ZDHHC21: variants seen among roughly 807,000 people sequenced by gnomAD.
The protein encoded by ZDHHC21 is palmitoyltransferase ZDHHC21.
In ZDHHC21, 15 loss-of-function variants were observed where a neutral mutation model predicts 34.6. The observed-to-expected ratio is 0.43, with a 90% CI of 0.29 to 0.67. ZDHHC21 has a LOEUF of 0.67. Ranked by LOEUF, ZDHHC21 falls within the 30% of genes least tolerant of loss-of-function variation. ZDHHC21 has a pLI of 0.14. For missense variants in ZDHHC21, 344 were observed against 327.7 expected, an observed-to-expected ratio of 1.05 and a Z score of -0.38; for synonymous variants, 142 against 101.8, an observed-to-expected ratio of 1.40 and a Z score of -2.38.
At chr9:14,623,907 T>C (rs960060967) in intron 8 of ZDHHC21, among the ~76,000 whole-genome samples, 18 of 152,048 alleles carry the variant, frequency 1.2e-4, no homozygotes, top group African/African-American at 4.1e-4. Flanking sequence ...ACCTTTACTC[T>C]TGTTGGGGAA....
At chr9:14,656,235 T>C (rs1429163350) in intron 7 of ZDHHC21, among the ~76,000 whole-genome samples, 1 of 151,948 alleles carries the variant, frequency 6.6e-6, no homozygotes, top group Non-Finnish European at 1.5e-5. Flanking sequence ...GCTACATAGA[T>C]TATAAAATAC....
At chr9:14,639,839 C>T in intron 8 of ZDHHC21, 57 bp downstream of exon 8, 1 of 1,021,930 alleles carries the variant, frequency 9.8e-7, no homozygotes, top group Non-Finnish European at 1.4e-6. Flanking sequence ...TTGAGAATTA[C>T]ATTCATAATT....
chr9:14,677,806 C>T (rs1220942645), intron 3 of ZDHHC21, among the ~76,000 whole-genome samples: 2 of 152,030 alleles, frequency 1.3e-5, no homozygotes, highest in Admixed American at 1.3e-4. Context: ...CAAAGGAATA[C>T]CACTATTTTT....
chr9:14,618,180 AAT>A lies in ZDHHC21; in HGVS notation c.*784_*785del, dbSNP rs1824615105. The A allele has an allele frequency of 6.6e-6, 1 of 152,572 alleles. No homozygotes were observed. Among genetic ancestry groups the A allele is most frequent in the Non-Finnish European group, 1.5e-5 (1 of 68,008 alleles). The allele number at this position is 152,572 out of a possible 1,614,324, so 9.5% of individuals were successfully genotyped here. A position where few individuals can be genotyped will look rare whatever the true frequency, so the allele number is the denominator to read the frequency against. ...TTTGCTCATTAAAATCTTAGGATAA[AAT>A]AGGAATACATGCCCACTGGTCAGGA... On this transcript the variant is annotated 3_prime_UTR_variant, in exon 10 of 10. Coordinates refer to ENST00000380916, the MANE Select transcript of ZDHHC21 (RefSeq NM_178566.6).
rs563659188 is a variant in ZDHHC21, at chr9:14,631,273, T to C, written c.621+8623A>G. Among the ~76,000 whole-genome samples, 30 of 152,228 alleles carry C rather than the reference T, an allele frequency of 2.0e-4. 1 individual carries two copies. The highest frequency in any genetic ancestry group is 3.8e-4 in the Non-Finnish European group (26 of 68,042). ...GCATTTTTTATGTTATGGAAATGCCTTCTTTCCTTAAGCCTTAAGAACAAA... is the reference window on the plus strand; with the variant it reads ...GCATTTTTTATGTTATGGAAATGCCCTCTTTCCTTAAGCCTTAAGAACAAA... On this transcript the variant is annotated intron_variant, in intron 8 of 9. Coordinates refer to ENST00000380916, the MANE Select transcript of ZDHHC21 (RefSeq NM_178566.6).
intron 3 of ZDHHC21, 50 bp from the exon 4 acceptor site, chr9:14,674,435 T>A: frequency 8.0e-7 from 1 of 1,251,254 alleles, no homozygotes; most frequent in Non-Finnish European, 1.1e-6. Context: ...AAAATTTGAC[T>A]AAAACCTGTA....
At chr9:14,682,077 T>G (rs1358538825) in intron 2 of ZDHHC21, among the ~76,000 whole-genome samples, 1 of 152,144 alleles carries the variant, frequency 6.6e-6, no homozygotes, top group African/African-American at 2.4e-5. Context: ...TACCAGCCAC[T>G]GCAAAAATAT....
At chr9:14,592,962 G>A in the ZDHHC21 span, among the ~76,000 whole-genome samples, 1 of 151,966 alleles carries the variant, frequency 6.6e-6, no homozygotes, top group Non-Finnish European at 1.5e-5. Flanking sequence ...AGTTTTAATT[G>A]AATAAAAAAG....
At chr9:14,622,826 C>G (rs921980025) in intron 8 of ZDHHC21, 17 of 696,742 alleles carry the variant, frequency 2.4e-5, no homozygotes, top group Non-Finnish European at 2.6e-5. Flanking sequence ...ACCTGCCAAA[C>G]TGCAGACCTG....
At chr9:14,591,745 C>G in the ZDHHC21 span, among the ~76,000 whole-genome samples, 2 of 152,092 alleles carry the variant, frequency 1.3e-5, no homozygotes, top group African/African-American at 4.8e-5. Context: ...CACAAAAATA[C>G]TTCATGAAAC....
chr9:14,632,356 G>T (rs1368232767), intron 8 of ZDHHC21, among the ~76,000 whole-genome samples: 1 of 152,028 alleles, frequency 6.6e-6, no homozygotes, highest in African/African-American at 2.4e-5. Context: ...GGAAAGAATT[G>T]TCTTTGCAAG....
rs908021645 is a variant in ZDHHC21, at chr9:14,616,318, C to T, written c.*2648G>A. On this transcript the variant is annotated 3_prime_UTR_variant, in exon 10 of 10. Transcript: ENST00000380916. ...ATAAAATGGCTTAGTTTATCCTAAT[C>T]TGATATAAATTTGTGATTGATTGAC... 6.6e-6 allele frequency: 1 copy of T among 151,662 alleles called. No homozygotes were observed. The highest frequency in any genetic ancestry group is 6.6e-5 in the Admixed American group (1 of 15,180). 9.4% of individuals were successfully genotyped at this position (151,662 alleles called of 1,614,324 possible). A position where few individuals can be genotyped will look rare whatever the true frequency, so the allele number is the denominator to read the frequency against.
chr9:14,626,823 T>C (rs1826320163), intron 8 of ZDHHC21, among the ~76,000 whole-genome samples: 1 of 152,092 alleles, frequency 6.6e-6, no homozygotes, highest in Non-Finnish European at 1.5e-5. Flanking sequence ...AGGGACACTT[T>C]AAATTTTAAT....
chr9:14,660,669 C>A (rs1379026224), intron 6 of ZDHHC21, among the ~76,000 whole-genome samples: 3 of 152,166 alleles, frequency 2.0e-5, no homozygotes, highest in African/African-American at 7.2e-5. Context: ...CTCACTGCTA[C>A]CAACTTCTGA....
intron 9 of ZDHHC21, 144 bp downstream of exon 9, chr9:14,619,495 G>A: frequency 1.5e-6 from 1 of 647,370 alleles, no homozygotes; most frequent in Non-Finnish European, 2.5e-6. Flanking sequence ...TAAGACTGGG[G>A]TAGCTTGCCT....
intron 7 of ZDHHC21, among the ~76,000 whole-genome samples, chr9:14,643,870 T>A (rs114082342): frequency 2.6e-3 from 401 of 152,320 alleles, no homozygotes; most frequent in African/African-American, 8.7e-3. Flanking sequence ...TGTTTATCCC[T>A]GCAACGGTGA....
chr9:14,692,297 AAAGC>A (rs769732329), intron 1 of ZDHHC21, among the ~76,000 whole-genome samples: 1 of 152,218 alleles, frequency 6.6e-6, no homozygotes, highest in East Asian at 1.9e-4. Context: ...TACCACAAGG[AAAGC>A]AGTGAATTTT....
the ZDHHC21 span, among the ~76,000 whole-genome samples, chr9:14,604,993 T>C: frequency 7.2e-5 from 11 of 152,292 alleles, 1 homozygote; most frequent in East Asian, 2.1e-3. Context: ...TTATTTCACT[T>C]AGCAAAATGT....
intron 7 of ZDHHC21, among the ~76,000 whole-genome samples, chr9:14,652,460 TA>T (rs1831397330): frequency 1.3e-5 from 2 of 151,942 alleles, no homozygotes; most frequent in African/African-American, 4.8e-5. Context: ...CTTCACATGG[TA>T]AAAACATATA....
Sources: gnomAD v4.1 joint callset for allele counts (sites outside exome capture counted in the v4.1 genomes callset) on GRCh38, gnomAD v4.1.1 for gene constraint, MANE v1.5 for transcripts, NCBI Gene and HGNC (gene_info 2026-07-23, HGNC 2026-07-21) for gene names.